Variants in ATXN1 observed in about 807,000 individuals in gnomAD.
ATXN1 encodes ataxin-1.
A neutral mutation model predicts 56.4 loss-of-function variants in ATXN1; 8 were observed. That is an observed-to-expected ratio of 0.14 (90% confidence interval 0.08 to 0.26). ATXN1 has a LOEUF of 0.26. Ranked by LOEUF, ATXN1 falls within the 10% of genes least tolerant of loss-of-function variation. The probability of loss-of-function intolerance (pLI) is 1.00; values close to 1 mark genes in which losing one functional copy is unlikely to be tolerated. For synonymous variants in ATXN1, 514 were observed against 494.6 expected (o/e 1.04, Z -0.52); for missense variants, 987 against 1,106.5 (o/e 0.89, Z 1.53).
intron 3 of ATXN1, among the ~76,000 whole-genome samples, chr6:16,594,724 G>A (rs1324726251): frequency 1.3e-5 from 2 of 152,128 alleles, no homozygotes; most frequent in East Asian, 3.9e-4. Flanking sequence ...CTCGTGATCC[G>A]CCTGCCTCGG....
chr6:16,543,031 CA>C (rs1171888569), intron 4 of ATXN1, among the ~76,000 whole-genome samples: 4 of 152,108 alleles, frequency 2.6e-5, no homozygotes, highest in African/African-American at 9.7e-5. Context: ...ACTACTGTAT[CA>C]ACCTGGATAA....
chr6:16,323,390 G>C (rs1397794680), intron 7 of ATXN1, among the ~76,000 whole-genome samples: 1 of 151,924 alleles, frequency 6.6e-6, no homozygotes, highest in African/African-American at 2.4e-5. Flanking sequence ...GTGATGGCGT[G>C]TGCCTGTAGT....
chr6:16,669,011 C>T (rs992962364), intron 2 of ATXN1, among the ~76,000 whole-genome samples: 1 of 152,086 alleles, frequency 6.6e-6, no homozygotes, highest in Non-Finnish European at 1.5e-5. Context: ...TTGTGCTGTA[C>T]ACTTTGTATA....
intron 3 of ATXN1, among the ~76,000 whole-genome samples, chr6:16,630,356 T>G (rs891480413): frequency 1.3e-5 from 2 of 152,232 alleles, no homozygotes; most frequent in Non-Finnish European, 2.9e-5. Context: ...AGAACCAGCC[T>G]TATCACTTAG....
At chr6:16,709,375 C>G (rs912793725) in intron 2 of ATXN1, among the ~76,000 whole-genome samples, 1 of 151,910 alleles carries the variant, frequency 6.6e-6, no homozygotes, top group African/African-American at 2.4e-5. Flanking sequence ...CAAGAATAAA[C>G]AGAAAATCTG....
chr6:16,454,153 A>AAAAAAAAAAAAAAAAAAC (rs1759819447), intron 6 of ATXN1, among the ~76,000 whole-genome samples: 1 of 145,538 alleles, frequency 6.9e-6, no homozygotes, highest in Non-Finnish European at 1.5e-5. Flanking sequence ...AAAAAAAAAA[A>AAAAAAAAAAAAAAAAAAC]ACAGAAGAAT....
At chr6:16,399,880 C>T (rs772083555) in intron 6 of ATXN1, among the ~76,000 whole-genome samples, 47 of 152,178 alleles carry the variant, frequency 3.1e-4, no homozygotes, top group Non-Finnish European at 2.1e-4. Flanking sequence ...AGATCAGCTG[C>T]AGCCAGAGAA....
At chr6:16,553,010 T>C (rs1246509546) in intron 4 of ATXN1, among the ~76,000 whole-genome samples, 4 of 152,242 alleles carry the variant, frequency 2.6e-5, no homozygotes, top group South Asian at 2.1e-4. Flanking sequence ...ATCGCACAGA[T>C]ACCATGACTT....
At chr6:16,317,514 G>C (rs187864978) in intron 7 of ATXN1, among the ~76,000 whole-genome samples, 1 of 151,980 alleles carries the variant, frequency 6.6e-6, no homozygotes, top group Non-Finnish European at 1.5e-5. Flanking sequence ...TAGTAGAGAC[G>C]GGTTTTCACC....
intron 6 of ATXN1, among the ~76,000 whole-genome samples, chr6:16,461,192 C>A (rs748947529): frequency 2.6e-4 from 40 of 152,224 alleles, no homozygotes; most frequent in Non-Finnish European, 5.4e-4. Flanking sequence ...TATGGAACAA[C>A]CCCCTCCAAG....
intron 6 of ATXN1, among the ~76,000 whole-genome samples, chr6:16,365,476 G>A (rs1761898862): frequency 6.6e-6 from 1 of 152,212 alleles, no homozygotes; most frequent in Non-Finnish European, 1.5e-5. Flanking sequence ...ACTGCGCCTG[G>A]CCGAATTATT....
In ATXN1 at chr6:16,722,641, T is replaced by C. The variant is rs191972268; in HGVS notation, c.-615+30592A>G. ...AAAAAATCCAAAATAACAGGAAACA[T>C]CTACAATTATCCAGAGAAAATATGT... On this transcript the variant is annotated intron_variant, in intron 2 of 7. Coordinates refer to ENST00000436367, the MANE Select transcript of ATXN1 (RefSeq NM_001128164.2). Among the ~76,000 whole-genome samples the C allele has an allele frequency of 4.1e-4, 62 of 152,300 alleles. No homozygotes were observed. In the East Asian group the frequency reaches 9.4e-3, roughly 23 times the overall value.
intron 1 of ATXN1, among the ~76,000 whole-genome samples, chr6:16,759,281 C>G (rs1016398730): frequency 1.3e-5 from 2 of 152,234 alleles, no homozygotes; most frequent in African/African-American, 4.8e-5. Context: ...CACACATTCC[C>G]GTGCATGCAC....
chr6:16,712,970 C>T (rs955786059), intron 2 of ATXN1, among the ~76,000 whole-genome samples: 1 of 152,162 alleles, frequency 6.6e-6, no homozygotes, highest in African/African-American at 2.4e-5. Flanking sequence ...CCTCAGGAAC[C>T]AGAGATAACA....
At chr6:16,680,995 G>T (rs1312877930) in intron 2 of ATXN1, among the ~76,000 whole-genome samples, 1 of 152,134 alleles carries the variant, frequency 6.6e-6, no homozygotes. Context: ...AAAATGAGTG[G>T]CCAAGCTACA....
At chr6:16,388,258 A>C (rs1434339594) in intron 6 of ATXN1, among the ~76,000 whole-genome samples, 1 of 152,238 alleles carries the variant, frequency 6.6e-6, no homozygotes. Flanking sequence ...TTCCATCAGC[A>C]GTAATGATGA....
chr6:16,548,289 A>G (rs1761851843), intron 4 of ATXN1, among the ~76,000 whole-genome samples: 1 of 152,210 alleles, frequency 6.6e-6, no homozygotes, highest in Admixed American at 6.5e-5. Context: ...AGCTTGCAGG[A>G]TTGGAAGTTG....
intron 3 of ATXN1, among the ~76,000 whole-genome samples, chr6:16,623,106 T>C (rs1184388994): frequency 6.6e-6 from 1 of 152,214 alleles, no homozygotes; most frequent in Non-Finnish European, 1.5e-5. Flanking sequence ...TTCACTTTAA[T>C]AAACATTCAA....
intron 3 of ATXN1, among the ~76,000 whole-genome samples, chr6:16,623,673 A>G (rs1475960482): frequency 6.6e-6 from 1 of 152,246 alleles, no homozygotes; most frequent in Non-Finnish European, 1.5e-5. Flanking sequence ...AATAATCTAG[A>G]TATTTCCCCC....
Sources: gnomAD v4.1 joint callset for allele counts (sites outside exome capture counted in the v4.1 genomes callset) on GRCh38, gnomAD v4.1.1 for gene constraint, MANE v1.5 for transcripts, NCBI Gene and HGNC (gene_info 2026-07-23, HGNC 2026-07-21) for gene names.